Variants in LRCH3 observed in about 807,000 individuals in gnomAD.
The protein encoded by LRCH3 is DISP complex protein LRCH3.
In LRCH3, 68 loss-of-function variants were observed where a neutral mutation model predicts 104.5. The observed-to-expected ratio is 0.65, with a 90% CI of 0.54 to 0.80. LRCH3 has a LOEUF of 0.80. Among genes scored for constraint, LRCH3 ranks in the 30% least tolerant of loss-of-function variants. The probability of loss-of-function intolerance (pLI) is 0.00; values close to 1 mark genes in which losing one functional copy is unlikely to be tolerated. For synonymous variants in LRCH3, 344 were observed against 361.3 expected (o/e 0.95, Z 0.54); for missense variants, 951 against 953.9 (o/e 1.00, Z 0.04).
intron 7 of LRCH3, among the ~76,000 whole-genome samples, chr3:197,831,810 A>G (rs937142973): frequency 1.3e-4 from 19 of 151,926 alleles, no homozygotes; most frequent in East Asian, 7.7e-4. Context: ...TTTTAGAGAC[A>G]TGCTCTCCCT....
intron 9 of LRCH3, among the ~76,000 whole-genome samples, chr3:197,837,607 T>G (rs900603099): frequency 2.6e-5 from 4 of 152,220 alleles, no homozygotes; most frequent in Non-Finnish European, 4.4e-5. Context: ...TATTATTTAA[T>G]TTTATTATAA....
intron 1 of LRCH3, among the ~76,000 whole-genome samples, chr3:197,802,906 G>A (rs1732055428): frequency 1.3e-5 from 2 of 152,130 alleles, no homozygotes; most frequent in Non-Finnish European, 2.9e-5. Context: ...TGGTTTCAGT[G>A]GGGACCCTGG....
chr3:197,829,668 C>T lies in LRCH3; in HGVS notation c.882C>T (p.Gly294=). The T allele has an allele frequency of 6.2e-7, 1 of 1,605,242 alleles. No homozygotes were observed. The highest frequency in any genetic ancestry group is 8.5e-7 in the Non-Finnish European group (1 of 1,174,182). The part of the protein sequence containing the change: ...PDYDRRPLGF[G]SCHEELYSSR... ...ATGATAGGAGACCGTTGGGTTTTGGCTCCTGGTAAGTATATTCTGTCCCTT... is the reference window on the plus strand; with the variant it reads ...ATGATAGGAGACCGTTGGGTTTTGGTTCCTGGTAAGTATATTCTGTCCCTT... The change falls in exon 6 of 21, where the codon GGC becomes GGT. Residue 294 remains glycine (G), a synonymous_variant. Coordinates refer to ENST00000425562, the MANE Select transcript of LRCH3 (RefSeq NM_001365715.1).
chr3:197,832,192 T>TAAA lies in LRCH3; in HGVS notation c.982-5_982-4insAAA. 6.2e-7 allele frequency: 1 copy of TAAA among 1,610,634 alleles called. No individual in the cohort carries two copies. On this transcript the variant is annotated splice_region_variant and splice_polypyrimidine_tract_variant and intron_variant, in intron 7 of 20. Transcript: ENST00000425562. Reference sequence around the variant, plus strand: ...TGTTTTTAATGTTTCTGCTTCTTTTTTAAGCCTACAGATGAATTTTCAGAT... The same window carrying TAAA: ...TGTTTTTAATGTTTCTGCTTCTTTTTAAATAAGCCTACAGATGAATTTTCAGAT...
At position 197,875,816 on chromosome 3, in the gene LRCH3, G is replaced by T. The variant is rs1413579333; in HGVS notation, c.2208+41G>T. 3.1e-6 allele frequency: 4 copies of T among 1,298,392 alleles called. No homozygotes were observed. In the East Asian group the frequency reaches 1.0e-4, roughly 33 times the overall value. 80.4% of individuals were successfully genotyped at this position (1,298,392 alleles called of 1,614,324 possible). A position where few individuals can be genotyped will look rare whatever the true frequency, so the allele number is the denominator to read the frequency against. On this transcript the variant is annotated intron_variant, in intron 20 of 20. Transcript: ENST00000425562. ...TTTTTTATGTTGCCTAAATAGACTT[G>T]GTTGTCCTAAAATTTTAGAAATGTA... is the stretch of plus-strand genomic sequence containing the variant.
chr3:197,870,710 C>T (rs1055306756), intron 18 of LRCH3, among the ~76,000 whole-genome samples: 17 of 150,934 alleles, frequency 1.1e-4, no homozygotes, highest in Non-Finnish European at 1.8e-4. Context: ...CGTGAGCTTC[C>T]GCGCCCGGCT....
chr3:197,815,206 C>G (rs1733668864), intron 2 of LRCH3, among the ~76,000 whole-genome samples, 154 bp downstream of exon 2: 1 of 152,034 alleles, frequency 6.6e-6, no homozygotes, highest in Non-Finnish European at 1.5e-5. Flanking sequence ...TTTCCTATGT[C>G]CCTCCAGTTT....
chr3:197,855,442 T>C (rs1285879226), intron 14 of LRCH3, among the ~76,000 whole-genome samples: 1 of 152,180 alleles, frequency 6.6e-6, no homozygotes, highest in African/African-American at 2.4e-5. Flanking sequence ...TCTCATTTAC[T>C]CCTCGCAGCA....
intron 12 of LRCH3, among the ~76,000 whole-genome samples, chr3:197,851,960 C>T (rs756204376): frequency 1.3e-5 from 2 of 152,164 alleles, no homozygotes; most frequent in Non-Finnish European, 1.5e-5. Context: ...AGACCTTGCA[C>T]GTGCCGCATA....
chr3:197,795,950 C>G (rs1012964225), intron 1 of LRCH3, among the ~76,000 whole-genome samples: 12 of 152,046 alleles, frequency 7.9e-5, no homozygotes, highest in African/African-American at 2.9e-4. Context: ...CTTGGCTTCT[C>G]AAAGTGCTGG....
At chr3:197,813,565 C>G (rs1232171587) in intron 1 of LRCH3, among the ~76,000 whole-genome samples, 1 of 127,882 alleles carries the variant, frequency 7.8e-6, no homozygotes, top group African/African-American at 3.0e-5. Flanking sequence ...GAATCTCGCT[C>G]TCTTGCCCAG....
At chr3:197,834,245 A>G (rs188781903) in intron 8 of LRCH3, among the ~76,000 whole-genome samples, 25 of 152,356 alleles carry the variant, frequency 1.6e-4, no homozygotes, top group Non-Finnish European at 2.9e-4. Context: ...CTTAAAAATA[A>G]TGGGGGATTC....
chr3:197,817,506 G>A (rs978868593), intron 3 of LRCH3, among the ~76,000 whole-genome samples: 3 of 150,572 alleles, frequency 2.0e-5, no homozygotes, highest in Non-Finnish European at 4.4e-5. Flanking sequence ...TGAATTTTCC[G>A]TACTCAAGTG....
At chr3:197,820,023 T>C (rs1734311521) in intron 3 of LRCH3, among the ~76,000 whole-genome samples, 1 of 152,230 alleles carries the variant, frequency 6.6e-6, no homozygotes, top group African/African-American at 2.4e-5. Flanking sequence ...AGCGGCCTTT[T>C]CTAAATAGTA....
chr3:197,879,220 T>C (rs1439762097), intron 20 of LRCH3, among the ~76,000 whole-genome samples: 1 of 151,944 alleles, frequency 6.6e-6, no homozygotes, highest in East Asian at 1.9e-4. Context: ...TCTGTCTCCC[T>C]GTTGTCAAGT....
intron 4 of LRCH3, among the ~76,000 whole-genome samples, 153 bp downstream of exon 4, chr3:197,820,583 G>A (rs1734375201): frequency 6.6e-6 from 1 of 152,200 alleles, no homozygotes; most frequent in South Asian, 2.1e-4. Context: ...GGCCGATGAG[G>A]GAGGATTGCT....
chr3:197,882,558 T>C (rs1369443116), intron 20 of LRCH3: 1 of 954,912 alleles, frequency 1.0e-6, no homozygotes, highest in African/African-American at 1.8e-5. Flanking sequence ...ACTAGTTGTT[T>C]TAACAAACAT....
At chr3:197,798,785 C>T (rs1267829191) in intron 1 of LRCH3, among the ~76,000 whole-genome samples, 1 of 152,142 alleles carries the variant, frequency 6.6e-6, no homozygotes, top group Admixed American at 6.6e-5. Flanking sequence ...ATGAATTTTT[C>T]TAGAACTGTA....
At chr3:197,838,258 T>C (rs1487840595) in intron 9 of LRCH3, among the ~76,000 whole-genome samples, 6 of 152,340 alleles carry the variant, frequency 3.9e-5, no homozygotes, top group South Asian at 2.1e-4. Flanking sequence ...TGTCTCCAGA[T>C]AAGCAAAAAT....
Sources: gnomAD v4.1 joint callset for allele counts (sites outside exome capture counted in the v4.1 genomes callset) on GRCh38, gnomAD v4.1.1 for gene constraint, MANE v1.5 for transcripts, NCBI Gene and HGNC (gene_info 2026-07-23, HGNC 2026-07-21) for gene names.